Variants in NOS2 observed in about 807,000 individuals in gnomAD.
NOS2 encodes nitric oxide synthase 2.
In NOS2, 96 loss-of-function variants were observed where a neutral mutation model predicts 136.0. The ratio of observed to expected loss-of-function variants is 0.71; its 90% CI spans 0.60 to 0.84. The LOEUF (loss-of-function observed/expected upper bound fraction) is 0.84, where lower values mean the gene tolerates loss of function less well. NOS2 is among the 40% of genes least tolerant of loss of function. The pLI, the probability that NOS2 is intolerant of heterozygous loss-of-function variation, is 0.00. For missense variants in NOS2, 1,237 were observed against 1,496.9 expected (o/e 0.83, Z 2.87); for synonymous variants, 539 against 587.5 (o/e 0.92, Z 1.20).
intron 1 of NOS2, among the ~76,000 whole-genome samples, chr17:27,800,062 T>G (rs1205488280): frequency 6.6e-6 from 1 of 152,212 alleles, no homozygotes; most frequent in Non-Finnish European, 1.5e-5. Flanking sequence ...ATAATCTCTG[T>G]TAAAAAAAAT....
intron 2 of NOS2, among the ~76,000 whole-genome samples, chr17:27,791,781 AC>A (rs970851714): frequency 0.041 from 5,219 of 126,036 alleles, 551 homozygotes; most frequent in African/African-American, 0.074. Context: ...AAAAAACAAA[AC>A]AAAACAAAAC....
At chr17:27,759,964 G>A in intron 25 of NOS2, 66 bp downstream of exon 25, 7 of 1,431,638 alleles carry the variant, frequency 4.9e-6, no homozygotes, top group Non-Finnish European at 6.5e-6. Context: ...AGGGGCCTGT[G>A]GGGACCCAGG....
At position 27,769,586 on chromosome 17, in the gene NOS2, TAGAA is replaced by T. The variant is rs752284842; in HGVS notation, c.1810-6_1810-3del. 49 of 1,611,344 alleles carry T rather than the reference TAGAA, an allele frequency of 3.0e-5. No homozygotes were observed. The highest frequency in any genetic ancestry group is 3.9e-5 in the Non-Finnish European group (46 of 1,177,560). ...CATGAAGAGCGATTTCTTCAGTTTC[TAGAA>T]AGAGAGGGAATGACAGAGTTCTCAA... is the stretch of plus-strand genomic sequence containing the variant. On this transcript the variant is annotated splice_region_variant and splice_polypyrimidine_tract_variant and intron_variant, in intron 15 of 26. Transcript: ENST00000313735.
At chr17:27,783,533 T>G (rs1908918639) in intron 5 of NOS2, among the ~76,000 whole-genome samples, 1 of 152,040 alleles carries the variant, frequency 6.6e-6, no homozygotes, top group Admixed American at 6.6e-5. Flanking sequence ...GCCTCTCCAT[T>G]AGTTAGTAGA....
chr17:27,767,624 A>T, intron 18 of NOS2, 81 bp downstream of exon 18: 6 of 1,517,734 alleles, frequency 4.0e-6, no homozygotes, highest in Non-Finnish European at 5.3e-6. Flanking sequence ...GTTCAGAAAG[A>T]CCTGGGGGTC....
At position 27,798,802 on chromosome 17, in the gene NOS2, C is replaced by T; in HGVS notation, c.8G>A (p.Cys3Tyr). MA[C>Y]PWKFLFKTKF... Reference sequence around the variant, plus strand: ...GGTCTTGAACAGAAATTTCCAAGGACAGGCCATCTCTATGGCTTTACAAAG... The same window carrying T: ...GGTCTTGAACAGAAATTTCCAAGGATAGGCCATCTCTATGGCTTTACAAAG... Residue 3 changes from cysteine (C) to tyrosine (Y), a missense_variant, in exon 2 of 27, where the codon TGT becomes TAT. Around this residue, in one of 3 missense-constraint regions of NOS2, gnomAD observed 440 missense variants for 545.4 expected, o/e 0.81. Transcript: ENST00000313735. 3 of 1,605,396 alleles carry T rather than the reference C, an allele frequency of 1.9e-6. No homozygotes were observed. The highest frequency in any genetic ancestry group is 2.6e-6 in the Non-Finnish European group (3 of 1,172,020).
intron 2 of NOS2, among the ~76,000 whole-genome samples, chr17:27,792,501 C>A (rs1909221931): frequency 6.6e-6 from 1 of 152,198 alleles, no homozygotes; most frequent in Non-Finnish European, 1.5e-5. Flanking sequence ...CACACCATTT[C>A]TTCTGGCTGG....
chr17:27,773,975 G>A (rs1002373756), intron 12 of NOS2, among the ~76,000 whole-genome samples: 1 of 152,190 alleles, frequency 6.6e-6, no homozygotes, highest in Admixed American at 6.5e-5. Flanking sequence ...ACTCTGCTGA[G>A]TGACTGTTGC....
chr17:27,779,288 CTTATTATTATTATTATTATTATTATTA>C (rs140152355), intron 9 of NOS2, among the ~76,000 whole-genome samples: 1 of 139,472 alleles, frequency 7.2e-6, no homozygotes, highest in African/African-American at 2.7e-5. Context: ...AATTTTTTTC[CTTATTATTATTATTATTATTATTATTA>C]TTATTATTAT....
intron 2 of NOS2, chr17:27,793,531 G>T: frequency 2.5e-6 from 1 of 396,206 alleles, no homozygotes; most frequent in East Asian, 3.6e-5. Flanking sequence ...ATGGGGCCCC[G>T]CCCGGGCTCG....
intron 18 of NOS2, among the ~76,000 whole-genome samples, 187 bp downstream of exon 18, chr17:27,767,518 C>G (rs1908343623): frequency 6.6e-6 from 1 of 152,262 alleles, no homozygotes; most frequent in Non-Finnish European, 1.5e-5. Flanking sequence ...CCTCCTGGGG[C>G]TCCCTCCTGA....
In NOS2 at chr17:27,760,132, T is replaced by C; in HGVS notation, c.3057A>G (p.Pro1019=). Reference sequence around the variant, plus strand: ...CCTCCTGGTAGATGTGGTCCTCATCTGGGCGGCGGCACCCAAACACCAAGG... The same window carrying C: ...CCTCCTGGTAGATGTGGTCCTCATCCGGGCGGCGGCACCCAAACACCAAGG... ...RMTLVFGCRR[P]DEDHIYQEEM... Residue 1019 remains proline (P), a synonymous_variant, in exon 25 of 27, where the codon CCA becomes CCG. Transcript: ENST00000313735. The C allele has an allele frequency of 1.2e-6, 2 of 1,605,164 alleles. No individual in the cohort carries two copies. Among genetic ancestry groups the C allele is most frequent in the East Asian group, 2.3e-5 (1 of 44,160 alleles).
At chr17:27,780,981 G>A (rs1032457787) in intron 8 of NOS2, 55 bp downstream of exon 8, 106 of 1,600,682 alleles carry the variant, frequency 6.6e-5, no homozygotes, top group East Asian at 8.9e-5. Context: ...TCTGTCACTC[G>A]CTCACCACGG....
intron 1 of NOS2, 140 bp downstream of exon 1, chr17:27,800,199 T>C (rs958344859): frequency 1.3e-5 from 2 of 152,230 alleles, no homozygotes; most frequent in African/African-American, 2.4e-5. Flanking sequence ...CCAAACCTCA[T>C]GTCGGCATTT....
intron 5 of NOS2, among the ~76,000 whole-genome samples, chr17:27,784,839 T>C (rs1389751959): frequency 6.6e-6 from 1 of 152,198 alleles, no homozygotes; most frequent in Admixed American, 6.5e-5. Flanking sequence ...GAGGCTGCCA[T>C]TCCCCGTTCA....
intron 11 of NOS2, among the ~76,000 whole-genome samples, chr17:27,777,707 T>C (rs1908703900): frequency 6.6e-6 from 1 of 152,024 alleles, no homozygotes; most frequent in Non-Finnish European, 1.5e-5. Context: ...ACAGACAAGG[T>C]CCCTGCCCCA....
intron 23 of NOS2, 128 bp downstream of exon 23, chr17:27,761,016 T>A: frequency 1.1e-6 from 1 of 924,190 alleles, no homozygotes; most frequent in Non-Finnish European, 1.6e-6. Context: ...CACACCAGTG[T>A]GACCCCAGTG....
At chr17:27,758,521 C>G (rs1046529371) in intron 26 of NOS2, among the ~76,000 whole-genome samples, 2 of 152,198 alleles carry the variant, frequency 1.3e-5, no homozygotes, top group African/African-American at 4.8e-5. Context: ...GTGAGGTTCA[C>G]ACGAGGCTGA....
intron 11 of NOS2, among the ~76,000 whole-genome samples, chr17:27,776,359 C>T (rs1908657679): frequency 6.6e-6 from 1 of 152,142 alleles, no homozygotes; most frequent in South Asian, 2.1e-4. Flanking sequence ...CTCCTGGGAG[C>T]CAGATCAGTT....
Sources: allele counts gnomAD v4.1 joint callset (sites outside exome capture counted in the v4.1 genomes callset), GRCh38; gene constraint gnomAD v4.1.1; regional missense constraint gnomAD v4.1.1; transcripts MANE v1.5; gene names NCBI Gene and HGNC (gene_info 2026-07-23, HGNC 2026-07-21).